The following TMOD2 variants were observed in gnomAD, a reference collection of about 807,000 sequenced individuals.
TMOD2 encodes the protein tropomodulin-2.
In TMOD2, 22 loss-of-function variants were observed where a neutral mutation model predicts 39.9. The ratio of observed to expected loss-of-function variants is 0.55; its 90% CI spans 0.39 to 0.79. The LOEUF is 0.79. TMOD2 is among the 30% of genes least tolerant of loss of function. The pLI is 0.00. For synonymous variants in TMOD2, 123 were observed against 146.1 expected, an observed-to-expected ratio of 0.84 and a Z score of 1.14; for missense variants, 386 against 413.3, an observed-to-expected ratio of 0.93 and a Z score of 0.57.
In TMOD2 at chr15:51,777,153, A is replaced by G. The variant is rs2055895355; in HGVS notation, c.493+135A>G. 3 of 701,408 alleles carry G rather than the reference A, an allele frequency of 4.3e-6. No homozygotes were observed. The Admixed American group carries it at 7.2e-5, about 17-fold the overall frequency. The allele number at this position is 701,408 out of a possible 1,614,324, so 43.4% of individuals were successfully genotyped here. On this transcript the variant is annotated intron_variant, in intron 5 of 9. Transcript: ENST00000249700. ...GGATCACTTGGGCTTTGAGCAATCA[A>G]ACCAGAACAGAGCAGCTGACAATGA...
At position 51,789,242 on chromosome 15, in the gene TMOD2, A is replaced by G. The variant is rs561000797; in HGVS notation, c.732+6414A>G. Among the ~76,000 whole-genome samples, 116 of 152,354 alleles carry G rather than the reference A, an allele frequency of 7.6e-4. 1 individual carries two copies. Among genetic ancestry groups the G allele is most frequent in the African/African-American group, 2.7e-3 (113 of 41,588 alleles). The stretch of plus-strand genomic sequence containing the variant: ...CTGATAAAACAGACTTTAAACTAAC[A>G]AAGATCAAAAGAGACAAAGAAGGGC... On this transcript the variant is annotated intron_variant, in intron 7 of 9. Coordinates refer to ENST00000249700, the MANE Select transcript of TMOD2 (RefSeq NM_014548.4).
chr15:51,772,348 A>G (rs1392693918), intron 3 of TMOD2, among the ~76,000 whole-genome samples: 1 of 152,224 alleles, frequency 6.6e-6, no homozygotes, highest in African/African-American at 2.4e-5. Context: ...GCTGGGAATA[A>G]TTAGAAAGGA....
At chr15:51,780,160 T>A (rs899774025) in intron 5 of TMOD2, among the ~76,000 whole-genome samples, 19 of 152,238 alleles carry the variant, frequency 1.2e-4, no homozygotes, top group African/African-American at 4.6e-4. Context: ...GCTATTTTTG[T>A]AGGTAAGACT....
intron 2 of TMOD2, among the ~76,000 whole-genome samples, chr15:51,768,030 C>G (rs148045380): frequency 6.6e-6 from 1 of 152,206 alleles, no homozygotes; most frequent in Non-Finnish European, 1.5e-5. Context: ...AGAGGCTGCT[C>G]TAGCCATCTA....
At chr15:51,799,735 A>G (rs1567247101) in intron 8 of TMOD2, among the ~76,000 whole-genome samples, 1 of 152,316 alleles carries the variant, frequency 6.6e-6, no homozygotes, top group East Asian at 1.9e-4. Flanking sequence ...GTGGGGGAGT[A>G]AGGAAACAAG....
chr15:51,768,993 T>C (rs2055835827), intron 3 of TMOD2, among the ~76,000 whole-genome samples: 1 of 152,208 alleles, frequency 6.6e-6, no homozygotes, highest in Admixed American at 6.5e-5. Context: ...TAATGGAAAC[T>C]GTGGACATTG....
At chr15:51,768,552 C>T (rs888644870) in intron 3 of TMOD2, 134 bp downstream of exon 3, 2 of 934,590 alleles carry the variant, frequency 2.1e-6, no homozygotes, top group East Asian at 2.7e-5. Context: ...CTGTCCCAGA[C>T]ATGGGAAATA....
rs1398063708 is a variant in TMOD2 at position 51,806,591 on chromosome 15, C to T, written c.1021+70C>T. The T allele has an allele frequency of 1.9e-6, 3 of 1,552,436 alleles. No homozygotes were observed. In the African/African-American group the frequency reaches 4.1e-5, roughly 21 times the overall value. On this transcript the variant is annotated intron_variant, in intron 9 of 9. Transcript: ENST00000249700. ...AGCATTCACTTCTCCACTTCAGACG[C>T]AGCATCTCACAGATACCATTCCACT...
At position 51,787,213 on chromosome 15, in the gene TMOD2, C is replaced by A. The variant is rs190602105; in HGVS notation, c.732+4385C>A. ...CTTGGCAGGTCCCACGCCCACAGAGCCTTCCTTGCTCACTGCTAGCACAGC... is the reference window on the plus strand; with the variant it reads ...CTTGGCAGGTCCCACGCCCACAGAGACTTCCTTGCTCACTGCTAGCACAGC... On this transcript the variant is annotated intron_variant, in intron 7 of 9. Coordinates refer to ENST00000249700, the MANE Select transcript of TMOD2 (RefSeq NM_014548.4). 2.6e-5 allele frequency among the ~76,000 whole-genome samples: 4 copies of A among 152,360 alleles called. No homozygotes were observed. The South Asian group carries it at 6.2e-4, about 24-fold the overall frequency.
intron 7 of TMOD2, among the ~76,000 whole-genome samples, chr15:51,796,842 T>C (rs1595876775): frequency 6.6e-6 from 1 of 152,202 alleles, no homozygotes; most frequent in African/African-American, 2.4e-5. Flanking sequence ...GTTAGGCTAC[T>C]GTTGCCCTTC....
At chr15:51,782,532 T>G (rs1479993761) in intron 6 of TMOD2, among the ~76,000 whole-genome samples, 189 bp from the exon 7 acceptor site, 1 of 152,238 alleles carries the variant, frequency 6.6e-6, no homozygotes, top group Non-Finnish European at 1.5e-5. Context: ...TAGATTCCCC[T>G]ATTGGACACT....
intron 1 of TMOD2, among the ~76,000 whole-genome samples, chr15:51,759,763 G>A (rs1013778910): frequency 3.3e-5 from 5 of 152,166 alleles, no homozygotes; most frequent in African/African-American, 9.7e-5. Context: ...GGATACACTC[G>A]AGTAACTTGA....
intron 9 of TMOD2, among the ~76,000 whole-genome samples, chr15:51,807,363 C>A (rs1397820901): frequency 6.6e-6 from 1 of 152,146 alleles, no homozygotes; most frequent in Non-Finnish European, 1.5e-5. Flanking sequence ...CGGGAAGGGG[C>A]AAATAAAGGT....
intron 7 of TMOD2, among the ~76,000 whole-genome samples, chr15:51,796,681 A>G (rs1883136555): frequency 6.6e-6 from 1 of 152,252 alleles, no homozygotes. Context: ...CAATTATAAT[A>G]ACAATATGCT....
At chr15:51,758,155 C>T (rs2055755300) in intron 1 of TMOD2, among the ~76,000 whole-genome samples, 1 of 151,898 alleles carries the variant, frequency 6.6e-6, no homozygotes, top group Non-Finnish European at 1.5e-5. Context: ...CAGGAGGATG[C>T]AAGTTTTTTT....
intron 4 of TMOD2, among the ~76,000 whole-genome samples, chr15:51,775,774 C>T (rs766858183): frequency 2.6e-4 from 40 of 151,910 alleles, no homozygotes; most frequent in African/African-American, 8.7e-4. Flanking sequence ...GACGGGGCTT[C>T]GCCATGTTGG....
At position 51,798,434 on chromosome 15, in the gene TMOD2, G is replaced by T. The variant is rs1469206568; in HGVS notation, c.876+94G>T. 7.8e-6 allele frequency: 11 copies of T among 1,417,976 alleles called. No homozygotes were observed. In the Admixed American group the frequency reaches 1.7e-4, roughly 22 times the overall value. The allele number at this position is 1,417,976 out of a possible 1,614,324, so 87.8% of individuals were successfully genotyped here. On this transcript the variant is annotated intron_variant, in intron 8 of 9. Transcript: ENST00000249700. ...GGAATGAGTTAAAAGACACAGTTCT[G>T]TGTGTGACTCAATTTGATGTACTGG... is the stretch of plus-strand genomic sequence containing the variant.
chr15:51,807,464 C>T (rs999826570), intron 9 of TMOD2, among the ~76,000 whole-genome samples: 3 of 152,138 alleles, frequency 2.0e-5, no homozygotes, highest in Admixed American at 6.5e-5. Context: ...TGGCTGGACA[C>T]GTGACAGTGC....
Position 51,814,808 on chromosome 15 carries a change from G to A in TMOD2, c.*6354G>A, listed in dbSNP as rs975743224. 4 of 152,196 alleles carry A rather than the reference G, an allele frequency of 2.6e-5. No individual in the cohort carries two copies. Among genetic ancestry groups the A allele is most frequent in the Non-Finnish European group, 5.9e-5 (4 of 68,058 alleles). 9.4% of individuals were successfully genotyped at this position (152,196 alleles called of 1,614,324 possible). ...ATCGTTTCCGTTGCCTCTGAACATG[G>A]GTGAGTAATGCCTCCACTGCAGCTG... is the stretch of plus-strand genomic sequence containing the variant. On this transcript the variant is annotated 3_prime_UTR_variant, in exon 10 of 10. Transcript: ENST00000249700.
Sources: allele counts gnomAD v4.1 joint callset (sites outside exome capture counted in the v4.1 genomes callset), GRCh38; gene constraint gnomAD v4.1.1; transcripts MANE v1.5; gene names NCBI Gene and HGNC (gene_info 2026-07-23, HGNC 2026-07-21).